The following KDM3A variants were observed in gnomAD, a reference collection of about 807,000 sequenced individuals.
KDM3A encodes the protein lysine demethylase 3A.
KDM3A carries 60 observed loss-of-function variants against 158.0 expected under a neutral mutation model. That is an observed-to-expected ratio of 0.38 (90% CI 0.31 to 0.47). The LOEUF is 0.47. Among genes scored for constraint, KDM3A ranks in the 20% least tolerant of loss-of-function variants. The pLI, the probability that KDM3A is intolerant of heterozygous loss-of-function variation, is 0.99. For synonymous variants in KDM3A, 608 were observed against 549.3 expected (o/e 1.11, Z -1.49); for missense variants, 1,319 against 1,574.3 (o/e 0.84, Z 2.74).
intron 18 of KDM3A, chr2:86,482,989 A>T: frequency 2.6e-6 from 1 of 382,550 alleles, no homozygotes; most frequent in Non-Finnish European, 4.8e-6. Flanking sequence ...TCAGCAGAGG[A>T]AGTGAGGGTG....
rs373154030 is a variant in KDM3A at position 86,455,034 on chromosome 2, C to G, written c.454-51C>G. The G allele has an allele frequency of 2.8e-6, 3 of 1,083,200 alleles. No homozygotes were observed. The East Asian group carries it at 7.6e-5, about 28-fold the overall frequency. 67.1% of individuals were successfully genotyped at this position (1,083,200 alleles called of 1,614,324 possible). On this transcript the variant is annotated intron_variant, in intron 4 of 25. Coordinates refer to ENST00000312912, the MANE Select transcript of KDM3A (RefSeq NM_018433.6). ...AAATAGCCCACTGGAATTTAAATAA[C>G]TCTTCTTATTAACTGTTACCCTTAA...
At chr2:86,464,340 A>T (rs1201805162) in intron 9 of KDM3A, 124 bp downstream of exon 9, 1 of 633,428 alleles carries the variant, frequency 1.6e-6, no homozygotes, top group Non-Finnish European at 2.5e-6. Context: ...GAAAAGATGG[A>T]TAGATGCTTT....
At chr2:86,472,306 C>G (rs951686711) in intron 11 of KDM3A, among the ~76,000 whole-genome samples, 4 of 151,880 alleles carry the variant, frequency 2.6e-5, no homozygotes, top group Admixed American at 2.6e-4. Flanking sequence ...GTAGTAGAAA[C>G]CAGAAGAAAC....
chr2:86,485,927 G>A, intron 21 of KDM3A, 68 bp downstream of exon 21: 1 of 1,546,028 alleles, frequency 6.5e-7, no homozygotes, highest in Non-Finnish European at 8.9e-7. Context: ...AATTGATTTT[G>A]TGGGAGGGAG....
intron 2 of KDM3A, among the ~76,000 whole-genome samples, chr2:86,446,593 C>G (rs895490830): frequency 1.3e-5 from 2 of 152,040 alleles, no homozygotes; most frequent in African/African-American, 4.8e-5. Flanking sequence ...ACCTGTAATC[C>G]CAGCTACTTG....
rs760254015 is a variant in KDM3A, at chr2:86,485,010, A to G, written c.3163A>G (p.Arg1055Gly). 1.9e-6 allele frequency: 3 copies of G among 1,595,770 alleles called. No individual in the cohort carries two copies. The South Asian group carries it at 3.3e-5, about 18-fold the overall frequency. The stretch of plus-strand genomic sequence containing the variant: ...GGACTGGCCACCAGGAGAAGATTTT[A>G]GAGATATGATGCCTTCCAGGTATGA... The part of the protein sequence containing the change: ...LKDWPPGEDF[R>G]DMMPSRFDDL... The change falls in exon 20 of 26, where the codon AGA becomes GGA. Residue 1055 changes from arginine to glycine, a missense_variant. By Grantham distance (125) the Arg-to-Gly change is moderately radical (BLOSUM62 -2). This residue lies in a region of KDM3A where 186 missense variants were observed against 340.9 expected (regional missense o/e 0.55). Transcript: ENST00000312912.
intron 25 of KDM3A, 178 bp from the exon 26 acceptor site, chr2:86,491,861 G>A (rs1674471958): frequency 1.7e-6 from 1 of 583,692 alleles, no homozygotes; most frequent in East Asian, 2.8e-5. Flanking sequence ...GGTTTAAAAT[G>A]TATGTGAAAT....
rs924980696 is a variant in KDM3A, at chr2:86,470,425, A to G, written c.1724+17A>G. On this transcript the variant is annotated intron_variant, in intron 11 of 25. Coordinates refer to ENST00000312912, the MANE Select transcript of KDM3A (RefSeq NM_018433.6). ...CTTCAGGAGGTGAGGCATTTTGGGA[A>G]AAGTTCAGATAATCTGGGCATACTT... The G allele has an allele frequency of 2.2e-5, 36 of 1,609,914 alleles. No homozygotes were observed. Among genetic ancestry groups the G allele is most frequent in the Non-Finnish European group, 2.9e-5 (34 of 1,176,404 alleles).
At chr2:86,478,066 A>G (rs770621418) in intron 13 of KDM3A, 37 bp downstream of exon 13, 2 of 1,613,292 alleles carry the variant, frequency 1.2e-6, no homozygotes, top group South Asian at 2.2e-5. Context: ...GCCCCTCTAC[A>G]CAGTTAAATC....
rs771603999 is a variant in KDM3A at position 86,480,286 on chromosome 2, T to C, written c.2436T>C (p.Pro812=). 6.2e-7 allele frequency: 1 copy of C among 1,614,118 alleles called. No homozygotes were observed. The highest frequency in any genetic ancestry group is 1.1e-5 in the South Asian group (1 of 91,074). ...CCAAGCCAGCCGGCAGCATGAAGCC[T>C]GCCTGTCCAGCCAGCACATCTCCTC... The part of the protein sequence containing the change: ...AASKPAGSMK[P]ACPASTSPLN... The change falls in exon 16 of 26, where the codon CCT becomes CCC. Residue 812 remains proline, a synonymous_variant. Transcript: ENST00000312912.
chr2:86,481,925 T>A lies in KDM3A; in HGVS notation c.2513-5T>A. The A allele has an allele frequency of 1.9e-6, 3 of 1,607,830 alleles. No homozygotes were observed. The highest frequency in any genetic ancestry group is 2.5e-6 in the Non-Finnish European group (3 of 1,176,492). ...TTTCATCTGGATGTTTTGGTTTTAT[T>A]TTAGAAAAACAACCAACAATGCCAA... is the stretch of plus-strand genomic sequence containing the variant. On this transcript the variant is annotated splice_polypyrimidine_tract_variant and splice_region_variant and intron_variant, in intron 16 of 25. Coordinates refer to ENST00000312912, the MANE Select transcript of KDM3A (RefSeq NM_018433.6).
chr2:86,442,301 C>G (rs1362327033), intron 2 of KDM3A, 68 bp downstream of exon 2: 6 of 1,434,170 alleles, frequency 4.2e-6, no homozygotes, highest in Non-Finnish European at 5.7e-6. Flanking sequence ...ACCATCGGTT[C>G]CCTCCTTCCG....
At chr2:86,483,785 C>A in intron 18 of KDM3A, 1 of 466,514 alleles carries the variant, frequency 2.1e-6, no homozygotes, top group Non-Finnish European at 3.8e-6. Context: ...AGTTTGAGAG[C>A]AAGGGTGTGT....
chr2:86,484,842 A>G (rs1573208172), intron 19 of KDM3A, 100 bp from the exon 20 acceptor site: 3 of 642,990 alleles, frequency 4.7e-6, no homozygotes, highest in Non-Finnish European at 8.1e-6. Context: ...GCAGAGACAT[A>G]TTTTATTTGT....
intron 4 of KDM3A, among the ~76,000 whole-genome samples, chr2:86,454,039 G>C (rs1384153373): frequency 2.6e-5 from 4 of 152,222 alleles, no homozygotes; most frequent in African/African-American, 4.8e-5. Context: ...ATAGTGCCAA[G>C]AATGGAGCTG....
At chr2:86,474,519 C>T (rs1479746205) in intron 11 of KDM3A, among the ~76,000 whole-genome samples, 2 of 151,694 alleles carry the variant, frequency 1.3e-5, no homozygotes, top group Non-Finnish European at 2.9e-5. Flanking sequence ...AAAAATTAGG[C>T]GGGAGTGGTG....
chr2:86,473,466 T>TG (rs1673506020), intron 11 of KDM3A, among the ~76,000 whole-genome samples: 1 of 152,146 alleles, frequency 6.6e-6, no homozygotes, highest in Non-Finnish European at 1.5e-5. Context: ...ACTTTTAGGC[T>TG]GGGTATGGTG....
chr2:86,461,178 A>G (rs1266311681), intron 8 of KDM3A, among the ~76,000 whole-genome samples: 1 of 152,186 alleles, frequency 6.6e-6, no homozygotes, highest in East Asian at 1.9e-4. Flanking sequence ...ACCAAAGGCT[A>G]ACACCAAAAT....
At chr2:86,480,088 G>A (rs980224613) in intron 15 of KDM3A, 79 bp from the exon 16 acceptor site, 29 of 1,092,814 alleles carry the variant, frequency 2.7e-5, no homozygotes, top group East Asian at 7.1e-5. Flanking sequence ...CTTGTTGGTC[G>A]GCTATTAGGA....
Sources: gnomAD v4.1 joint callset for allele counts (sites outside exome capture counted in the v4.1 genomes callset) on GRCh38, gnomAD v4.1.1 for gene constraint, gnomAD v4.1.1 regional missense constraint, MANE v1.5 for transcripts, NCBI Gene and HGNC (gene_info 2026-07-23, HGNC 2026-07-21) for gene names.